The following RGS7BP variants were observed in gnomAD, a reference collection of about 807,000 sequenced individuals.
The protein encoded by RGS7BP is regulator of G protein signaling 7-binding protein.
A neutral mutation model predicts 31.3 loss-of-function variants in RGS7BP; 9 were observed. The ratio of observed to expected loss-of-function variants is 0.29; its 90% CI spans 0.17 to 0.50. RGS7BP has a LOEUF of 0.50. Ranked by LOEUF, RGS7BP falls within the 20% of genes least tolerant of loss-of-function variation. The probability of loss-of-function intolerance (pLI) is 0.98; values close to 1 mark genes in which losing one functional copy is unlikely to be tolerated. For missense variants in RGS7BP, 274 were observed against 322.0 expected, an observed-to-expected ratio of 0.85 and a Z score of 1.14; for synonymous variants, 115 against 120.1, an observed-to-expected ratio of 0.96 and a Z score of 0.28.
intron 3 of RGS7BP, among the ~76,000 whole-genome samples, chr5:64,584,758 C>A (rs1466214259): frequency 1.3e-5 from 2 of 152,200 alleles, no homozygotes; most frequent in Admixed American, 1.3e-4. Context: ...AAATGTTTAT[C>A]TCCCAGTACA....
At chr5:64,592,154 T>C (rs938168469) in intron 3 of RGS7BP, among the ~76,000 whole-genome samples, 1 of 152,148 alleles carries the variant, frequency 6.6e-6, no homozygotes, top group Non-Finnish European at 1.5e-5. Context: ...ACCACATACA[T>C]TCTGGAATTG....
chr5:64,549,231 G>A (rs1312993037), intron 2 of RGS7BP, among the ~76,000 whole-genome samples: 5 of 152,176 alleles, frequency 3.3e-5, no homozygotes, highest in Non-Finnish European at 7.3e-5. Context: ...TGATGTGGCA[G>A]ACACAGGCTA....
chr5:64,514,318 C>A (rs1210562362), intron 2 of RGS7BP, among the ~76,000 whole-genome samples: 1 of 152,172 alleles, frequency 6.6e-6, no homozygotes, highest in Non-Finnish European at 1.5e-5. Context: ...AGGACTTAAA[C>A]ATATGAATTT....
At chr5:64,543,015 T>C (rs960637547) in intron 2 of RGS7BP, among the ~76,000 whole-genome samples, 2 of 152,214 alleles carry the variant, frequency 1.3e-5, no homozygotes, top group African/African-American at 2.4e-5. Context: ...CAAGGAGGCA[T>C]ATCTCCATCT....
chr5:64,520,445 T>C (rs1263521663), intron 2 of RGS7BP, among the ~76,000 whole-genome samples: 2 of 152,200 alleles, frequency 1.3e-5, no homozygotes, highest in Non-Finnish European at 2.9e-5. Context: ...AATTATGGCC[T>C]TACTGAAGCT....
chr5:64,542,990 T>C (rs1157643074), intron 2 of RGS7BP, among the ~76,000 whole-genome samples: 1 of 152,198 alleles, frequency 6.6e-6, no homozygotes, highest in Non-Finnish European at 1.5e-5. Flanking sequence ...ATATTTATGA[T>C]CTTTTTGAGC....
chr5:64,578,628 A>T (rs1282142408), intron 3 of RGS7BP, among the ~76,000 whole-genome samples: 3 of 152,322 alleles, frequency 2.0e-5, no homozygotes, highest in Non-Finnish European at 4.4e-5. Flanking sequence ...TTACCATGCC[A>T]TTCTGCTTTG....
intron 5 of RGS7BP, among the ~76,000 whole-genome samples, chr5:64,603,354 T>A (rs1315913906): frequency 6.6e-6 from 1 of 152,070 alleles, no homozygotes; most frequent in Non-Finnish European, 1.5e-5. Flanking sequence ...AACAACAACT[T>A]TTGGACATGG....
chr5:64,604,772 C>T (rs1440564546), intron 5 of RGS7BP, among the ~76,000 whole-genome samples: 3 of 152,080 alleles, frequency 2.0e-5, no homozygotes, highest in South Asian at 2.1e-4. Flanking sequence ...TAGAAGCATT[C>T]CTTATCACCT....
intron 2 of RGS7BP, among the ~76,000 whole-genome samples, chr5:64,528,681 C>G (rs559950739): frequency 6.6e-6 from 1 of 151,692 alleles, no homozygotes; most frequent in South Asian, 2.1e-4. Context: ...TGTGGTGATG[C>G]GAGCCTGTAA....
At chr5:64,572,432 C>T (rs1032443519) in intron 2 of RGS7BP, among the ~76,000 whole-genome samples, 2 of 152,126 alleles carry the variant, frequency 1.3e-5, no homozygotes, top group Admixed American at 1.3e-4. Context: ...TCTTAAAGCT[C>T]TAAAGAGGAA....
intron 2 of RGS7BP, among the ~76,000 whole-genome samples, chr5:64,513,879 T>C (rs1210631115): frequency 6.6e-6 from 1 of 152,244 alleles, no homozygotes; most frequent in Non-Finnish European, 1.5e-5. Flanking sequence ...AAGATAACGA[T>C]GGAAGAACAA....
intron 5 of RGS7BP, among the ~76,000 whole-genome samples, chr5:64,601,128 C>G (rs953816319): frequency 1.3e-5 from 2 of 152,174 alleles, no homozygotes; most frequent in African/African-American, 4.8e-5. Context: ...ATGATTCTAA[C>G]GGGATGAAAA....
chr5:64,566,654 G>A (rs190887020), intron 2 of RGS7BP, among the ~76,000 whole-genome samples: 1 of 151,982 alleles, frequency 6.6e-6, no homozygotes, highest in East Asian at 2.0e-4. Flanking sequence ...GTCAGTTTGA[G>A]GACAAGTAAA....
chr5:64,537,666 C>T (rs945592548), intron 2 of RGS7BP, among the ~76,000 whole-genome samples: 3 of 152,132 alleles, frequency 2.0e-5, no homozygotes, highest in African/African-American at 7.2e-5. Flanking sequence ...GACAGAGCCC[C>T]AGAAAGCTAC....
At chr5:64,552,009 G>T (rs1213626723) in intron 2 of RGS7BP, among the ~76,000 whole-genome samples, 1 of 152,134 alleles carries the variant, frequency 6.6e-6, no homozygotes, top group African/African-American at 2.4e-5. Context: ...AACTGGATTA[G>T]AATTTGTATT....
At chr5:64,573,639 A>G (rs970757515) in intron 2 of RGS7BP, 1 of 150,744 alleles carries the variant, frequency 6.6e-6, no homozygotes, top group African/African-American at 2.4e-5. Context: ...AGCAAGGATG[A>G]CATGCAAATT....
At chr5:64,558,316 T>A (rs1741973283) in intron 2 of RGS7BP, among the ~76,000 whole-genome samples, 1 of 152,140 alleles carries the variant, frequency 6.6e-6, no homozygotes, top group African/African-American at 2.4e-5. Context: ...GAACATAAAT[T>A]GTGAAGATTT....
chr5:64,515,966 ATT>A (rs1334189368), intron 2 of RGS7BP, among the ~76,000 whole-genome samples: 3 of 151,972 alleles, frequency 2.0e-5, no homozygotes, highest in Admixed American at 6.6e-5. Flanking sequence ...GACACAGCTA[ATT>A]TTTTAAAAAC....
Sources: gnomAD v4.1 joint callset for allele counts (sites outside exome capture counted in the v4.1 genomes callset) on GRCh38, gnomAD v4.1.1 for gene constraint, MANE v1.5 for transcripts, NCBI Gene and HGNC (gene_info 2026-07-23, HGNC 2026-07-21) for gene names.